The following CSMD1 variants were observed in gnomAD, a reference collection of about 807,000 sequenced individuals.
The protein encoded by CSMD1 is CUB and sushi domain-containing protein 1.
In CSMD1, 213 loss-of-function variants were observed where a neutral mutation model predicts 417.5. The ratio of observed to expected loss-of-function variants is 0.51; its 90% confidence interval spans 0.46 to 0.57. The LOEUF (loss-of-function observed/expected upper bound fraction) is 0.57. Among genes scored for constraint, CSMD1 ranks in the 20% least tolerant of loss-of-function variants. The pLI is 0.00. For missense variants in CSMD1, 6,923 were observed against 4,529.7 expected, an observed-to-expected ratio of 1.53 and a Z score of -15.17; for synonymous variants, 2,862 against 1,736.8, an observed-to-expected ratio of 1.65 and a Z score of -16.11.
intron 7 of CSMD1, among the ~76,000 whole-genome samples, chr8:3,629,180 T>G (rs115120003): frequency 6.6e-6 from 1 of 152,080 alleles, no homozygotes; most frequent in Non-Finnish European, 1.5e-5. Flanking sequence ...GCAGGGGAAC[T>G]TGCTTGTAAA....
At position 4,371,635 on chromosome 8, in the gene CSMD1, C is replaced by G. The variant is rs1172528876; in HGVS notation, c.415+48318G>C. Among the ~76,000 whole-genome samples the G allele has an allele frequency of 2.0e-5, 3 of 152,270 alleles. No individual in the cohort carries two copies. In the East Asian group the frequency reaches 5.8e-4, roughly 29 times the overall value. On this transcript the variant is annotated intron_variant, in intron 3 of 69. Transcript: ENST00000635120. ...AAATTCATCTTACTGCACAAATTCA[C>G]TTATTTTCTTTCTTACGTCTTAAAG... is the stretch of plus-strand genomic sequence containing the variant.
chr8:4,977,048 T>C (rs962634883), intron 1 of CSMD1, among the ~76,000 whole-genome samples: 4 of 152,206 alleles, frequency 2.6e-5, no homozygotes, highest in Non-Finnish European at 5.9e-5. Flanking sequence ...AAAATGCTCA[T>C]TTTTATACAG....
At chr8:4,529,665 A>C in intron 2 of CSMD1, among the ~76,000 whole-genome samples, 1 of 152,132 alleles carries the variant, frequency 6.6e-6, no homozygotes, top group East Asian at 1.9e-4. Flanking sequence ...CCATATTAAC[A>C]GCAAATTAGT....
chr8:3,567,060 T>C (rs376311991), intron 10 of CSMD1, among the ~76,000 whole-genome samples: 133 of 152,232 alleles, frequency 8.7e-4, no homozygotes, highest in African/African-American at 2.5e-3. Flanking sequence ...ATAAAGAAAA[T>C]TGGTACATGT....
At chr8:4,427,228 A>C (rs918045425) in intron 2 of CSMD1, among the ~76,000 whole-genome samples, 6 of 152,176 alleles carry the variant, frequency 3.9e-5, no homozygotes, top group African/African-American at 1.4e-4. Context: ...AGAGAGGCAC[A>C]CGCCGTGCCC....
At chr8:4,197,738 G>T (rs1281777193) in intron 3 of CSMD1, among the ~76,000 whole-genome samples, 4 of 152,122 alleles carry the variant, frequency 2.6e-5, no homozygotes, top group African/African-American at 9.7e-5. Flanking sequence ...AATTAGCTGG[G>T]CATGGTGGTG....
chr8:3,769,000 A>T (rs935695865), intron 5 of CSMD1, among the ~76,000 whole-genome samples: 3 of 152,256 alleles, frequency 2.0e-5, no homozygotes, highest in African/African-American at 4.8e-5. Context: ...CAGCAGGCCC[A>T]CAGCACACCT....
intron 6 of CSMD1, among the ~76,000 whole-genome samples, chr8:3,716,800 G>T (rs1393769829): frequency 1.3e-5 from 2 of 152,034 alleles, no homozygotes; most frequent in African/African-American, 4.8e-5. Context: ...TAACTCTGTT[G>T]GTCACTTATC....
chr8:3,768,140 G>T (rs951209155), intron 5 of CSMD1, among the ~76,000 whole-genome samples: 3 of 150,752 alleles, frequency 2.0e-5, no homozygotes, highest in Non-Finnish European at 4.4e-5. Flanking sequence ...AGCAGAGAGG[G>T]GGTGGACAGT....
chr8:4,719,673 C>T lies in CSMD1; in HGVS notation c.86-82115G>A, dbSNP rs182023654. On this transcript the variant is annotated intron_variant, in intron 1 of 69. Transcript: ENST00000635120. The stretch of plus-strand genomic sequence containing the variant: ...GCTAAATTTCCATTTATTTGTACTT[C>T]CAGATGAAAGTAATTTGATTTATGT... Among the ~76,000 whole-genome samples the T allele has an allele frequency of 6.5e-3, 984 of 152,238 alleles. 10 individuals carry two copies. Among genetic ancestry groups the T allele is most frequent in the Middle Eastern group, 0.027 (8 of 294 alleles).
At chr8:4,764,390 T>C (rs1308504835) in intron 1 of CSMD1, among the ~76,000 whole-genome samples, 1 of 152,214 alleles carries the variant, frequency 6.6e-6, no homozygotes, top group Non-Finnish European at 1.5e-5. Context: ...AATAATTTTC[T>C]GGCATATTAC....
intron 1 of CSMD1, among the ~76,000 whole-genome samples, chr8:4,842,058 T>A (rs778976927): frequency 1.3e-5 from 2 of 151,806 alleles, no homozygotes; most frequent in Non-Finnish European, 1.5e-5. Flanking sequence ...TCAATCAACA[T>A]GTAAATTTCC....
chr8:3,329,289 A>G (rs1373414902), intron 23 of CSMD1, among the ~76,000 whole-genome samples: 1 of 152,124 alleles, frequency 6.6e-6, no homozygotes, highest in Admixed American at 6.6e-5. Flanking sequence ...CAGCAAGCAA[A>G]GGGGACTCTG....
intron 3 of CSMD1, among the ~76,000 whole-genome samples, chr8:4,386,742 G>A (rs536144445): frequency 6.6e-6 from 1 of 152,142 alleles, no homozygotes; most frequent in Non-Finnish European, 1.5e-5. Context: ...AAGTGCTAAT[G>A]ATGACTTTAA....
chr8:4,647,870 T>C (rs1330997875), intron 1 of CSMD1, among the ~76,000 whole-genome samples: 1 of 152,216 alleles, frequency 6.6e-6, no homozygotes, highest in Non-Finnish European at 1.5e-5. Flanking sequence ...AGTACTGCAG[T>C]AGACATACAT....
rs866375703 is a variant in CSMD1 at position 3,796,016 on chromosome 8, A to C, written c.819-41974T>G. Among the ~76,000 whole-genome samples, 9 of 61,970 alleles carry C rather than the reference A, an allele frequency of 1.5e-4. 3 individuals carry two copies. Among genetic ancestry groups the C allele is most frequent in the Non-Finnish European group, 2.8e-4 (8 of 28,402 alleles). 40.7% of individuals were successfully genotyped at this position (61,970 alleles called of 152,430 possible). A position where few individuals can be genotyped will look rare whatever the true frequency, so the allele number is the denominator to read the frequency against. On this transcript the variant is annotated intron_variant, in intron 5 of 69. Transcript: ENST00000635120. Reference sequence around the variant, plus strand: ...ATATATCTATCATGTATATAGATATATATCATGTATAGATATAGATATATA... The same window carrying C: ...ATATATCTATCATGTATATAGATATCTATCATGTATAGATATAGATATATA...
At chr8:4,413,014 G>A (rs1033695828) in intron 3 of CSMD1, among the ~76,000 whole-genome samples, 4 of 152,134 alleles carry the variant, frequency 2.6e-5, no homozygotes, top group African/African-American at 4.8e-5. Context: ...TTGACAACTT[G>A]AAGTCTATAC....
chr8:4,193,759 G>A (rs990908541), intron 3 of CSMD1, among the ~76,000 whole-genome samples: 2 of 152,104 alleles, frequency 1.3e-5, no homozygotes, highest in Admixed American at 6.5e-5. Flanking sequence ...GATTTTGGCT[G>A]GCAAGTTATG....
chr8:3,617,001 G>A (rs368724778), intron 7 of CSMD1, among the ~76,000 whole-genome samples: 1 of 152,068 alleles, frequency 6.6e-6, no homozygotes, highest in East Asian at 1.9e-4. Context: ...CCAGTGAAAG[G>A]ATGATAATCT....
Sources: gnomAD v4.1 joint callset for allele counts (sites outside exome capture counted in the v4.1 genomes callset) on GRCh38, gnomAD v4.1.1 for gene constraint, MANE v1.5 for transcripts, NCBI Gene and HGNC (gene_info 2026-07-23, HGNC 2026-07-21) for gene names.